The following PKD1L1 variants were observed in gnomAD, a reference collection of about 807,000 sequenced individuals.
PKD1L1 encodes polycystin 1 like 1, transient receptor potential channel interacting.
In PKD1L1, 236 loss-of-function variants were observed where a neutral mutation model predicts 323.4. That is an observed-to-expected ratio of 0.73 (90% CI 0.66 to 0.81). The LOEUF (loss-of-function observed/expected upper bound fraction) is 0.81. Ranked by LOEUF, PKD1L1 falls within the 40% of genes least tolerant of loss-of-function variation. The pLI is 0.00. For missense variants in PKD1L1, 3,320 were observed against 3,508.0 expected (o/e 0.95, Z 1.35); for synonymous variants, 1,344 against 1,335.0 (o/e 1.01, Z -0.15).
chr7:47,778,145 C>T (rs561125869), intron 56 of PKD1L1, among the ~76,000 whole-genome samples: 7 of 152,230 alleles, frequency 4.6e-5, no homozygotes, highest in Admixed American at 2.0e-4. Flanking sequence ...TCACAAGGAG[C>T]CAACCAGCAG....
At position 47,930,386 on chromosome 7, in the gene PKD1L1, T is replaced by A. The variant is rs138238031; in HGVS notation, c.737+718A>T. The stretch of plus-strand genomic sequence containing the variant: ...CGGGCATGGTGGCAGGTGACTGTAG[T>A]CCCAGCTACTTGGGAGGCTGAGGCA... On this transcript the variant is annotated intron_variant, in intron 6 of 56. Coordinates refer to ENST00000289672, the MANE Select transcript of PKD1L1 (RefSeq NM_138295.5). Among the ~76,000 whole-genome samples the A allele has an allele frequency of 1.9e-3, 282 of 152,162 alleles. 3 individuals are homozygous for A. Among genetic ancestry groups the A allele is most frequent in the African/African-American group, 6.3e-3 (262 of 41,498 alleles).
upstream of PKD1L1, among the ~76,000 whole-genome samples, chr7:47,951,909 TG>T (rs770803452): frequency 3.9e-5 from 6 of 152,174 alleles, no homozygotes; most frequent in Non-Finnish European, 8.8e-5. Context: ...CACCTCCAAA[TG>T]GAGCTTCCCG....
rs748904683 is a variant in PKD1L1, at chr7:47,904,599, C to T, written c.1710G>A (p.Lys570=). The part of the protein sequence containing the change: ...SIPQWYRVMV[K]ASNRMSSVVS... ...CCACACTGCTCATCCTGTTGGAAGCCTTAACCATCACACGATACCTGCAGG... is the reference window on the plus strand; with the variant it reads ...CCACACTGCTCATCCTGTTGGAAGCTTTAACCATCACACGATACCTGCAGG... The change falls in exon 12 of 57, where the codon AAG becomes AAA. Residue 570 remains lysine (K), a synonymous_variant. Transcript: ENST00000289672. The T allele has an allele frequency of 1.2e-6, 2 of 1,613,296 alleles. No homozygotes were observed. The highest frequency in any genetic ancestry group is 1.7e-6 in the Non-Finnish European group (2 of 1,179,386).
At chr7:47,793,127 C>T (rs1371675298) in intron 55 of PKD1L1, among the ~76,000 whole-genome samples, 3 of 151,236 alleles carry the variant, frequency 2.0e-5, no homozygotes, top group Admixed American at 1.3e-4. Context: ...TTCATCCCTT[C>T]GATTAATAAA....
Position 47,840,366 on chromosome 7 carries a change from G to A in PKD1L1, c.5552+95C>T. 6.1e-6 allele frequency: 5 copies of A among 817,756 alleles called. No individual in the cohort carries two copies. Among genetic ancestry groups the A allele is most frequent in the Non-Finnish European group, 1.0e-5 (5 of 491,026 alleles). The allele number at this position is 817,756 out of a possible 1,614,324, so 50.7% of individuals were successfully genotyped here. On this transcript the variant is annotated intron_variant, in intron 35 of 56. Coordinates refer to ENST00000289672, the MANE Select transcript of PKD1L1 (RefSeq NM_138295.5). The surrounding 1 kb of genome is among the most constrained non-coding windows in gnomAD (Gnocchi z 4.1). ...TCGATGCTCACTATTAGAGACCAATGTTATGTATTCTACTGTTTTGTATTT... is the reference window on the plus strand; with the variant it reads ...TCGATGCTCACTATTAGAGACCAATATTATGTATTCTACTGTTTTGTATTT...
chr7:47,916,087 T>C (rs1787423890), intron 7 of PKD1L1, among the ~76,000 whole-genome samples: 1 of 152,166 alleles, frequency 6.6e-6, no homozygotes, highest in Non-Finnish European at 1.5e-5. Flanking sequence ...CAAAGAAAAC[T>C]TTCACACAGC....
rs1483488142 is a variant in PKD1L1, at chr7:47,808,332, G to A, written c.7742C>T (p.Thr2581Ile). Residue 2581 changes from threonine to isoleucine, a missense_variant, in exon 52 of 57, where the codon ACT (threonine) becomes ATT (isoleucine). Coordinates refer to ENST00000289672, the MANE Select transcript of PKD1L1 (RefSeq NM_138295.5). ...TYYAVSGHLV[T>I]LAGDVTNQFH... ...CTGGTTAGTGACATCTCCAGCAAGAGTAACAAGGTGGCCGGAAACTGCATA... is the reference window on the plus strand; with the variant it reads ...CTGGTTAGTGACATCTCCAGCAAGAATAACAAGGTGGCCGGAAACTGCATA... 4 of 1,614,158 alleles carry A rather than the reference G, an allele frequency of 2.5e-6. No individual in the cohort carries two copies. The Admixed American group carries it at 5.0e-5, about 20-fold the overall frequency.
chr7:47,822,950 A>G (rs1345308814), intron 45 of PKD1L1, among the ~76,000 whole-genome samples: 2 of 138,046 alleles, frequency 1.4e-5, no homozygotes, highest in African/African-American at 5.5e-5. Context: ...TAGTTCCAGA[A>G]CCCTTTTTTT....
intron 17 of PKD1L1, 116 bp from the exon 18 acceptor site, chr7:47,886,170 GA>G: frequency 7.4e-7 from 1 of 1,351,492 alleles, no homozygotes; most frequent in South Asian, 1.5e-5. Context: ...TTGTGAATTT[GA>G]AAACCTACAC....
intron 34 of PKD1L1, among the ~76,000 whole-genome samples, chr7:47,842,690 G>A (rs1410920873): frequency 6.6e-6 from 1 of 152,128 alleles, no homozygotes. Flanking sequence ...TCCACTCAGA[G>A]ACAGAACATA....
intron 14 of PKD1L1, among the ~76,000 whole-genome samples, chr7:47,895,273 C>T (rs531153973): frequency 6.6e-6 from 1 of 152,328 alleles, no homozygotes; most frequent in Admixed American, 6.5e-5. Context: ...TGTGAAGACA[C>T]TGAAGACTAC....
At chr7:47,895,778 T>A (rs1407715773) in intron 14 of PKD1L1, among the ~76,000 whole-genome samples, 4 of 152,118 alleles carry the variant, frequency 2.6e-5, no homozygotes, top group Non-Finnish European at 4.4e-5. Context: ...TTAGGAAAAA[T>A]TTATAGAAAT....
chr7:47,938,478 G>C (rs1301391036), intron 3 of PKD1L1, among the ~76,000 whole-genome samples: 1 of 152,140 alleles, frequency 6.6e-6, no homozygotes. Flanking sequence ...CCCCTAAAAG[G>C]CATGGTGCTA....
At chr7:47,881,137 T>C (rs1786545139) in intron 20 of PKD1L1, among the ~76,000 whole-genome samples, 1 of 152,110 alleles carries the variant, frequency 6.6e-6, no homozygotes, top group Non-Finnish European at 1.5e-5. Context: ...TTATAAATCA[T>C]ACTATAAAGT....
At chr7:47,939,144 T>A (rs1259288498) in intron 3 of PKD1L1, among the ~76,000 whole-genome samples, 3 of 152,218 alleles carry the variant, frequency 2.0e-5, no homozygotes, top group Non-Finnish European at 4.4e-5. Context: ...CTAAATATCC[T>A]TCCTTGGGAA....
chr7:47,950,706 T>C (rs1003475672), upstream of PKD1L1, among the ~76,000 whole-genome samples: 2 of 143,768 alleles, frequency 1.4e-5, no homozygotes, highest in African/African-American at 5.3e-5. Flanking sequence ...GAAACTCTTG[T>C]CTCAAAAAAA....
At chr7:47,823,447 G>T (rs574287803) in intron 45 of PKD1L1, among the ~76,000 whole-genome samples, 1 of 151,916 alleles carries the variant, frequency 6.6e-6, no homozygotes, top group African/African-American at 2.4e-5. Context: ...GCTTCTTTGC[G>T]ATTTATTTGT....
At chr7:47,931,049 T>C (rs2128755741) in intron 6 of PKD1L1, 55 bp downstream of exon 6, 2 of 1,550,994 alleles carry the variant, frequency 1.3e-6, no homozygotes, top group Admixed American at 1.7e-5. Context: ...GCATGGATGG[T>C]TCCAGACTGG....
intron 13 of PKD1L1, 62 bp downstream of exon 13, chr7:47,902,317 G>C: frequency 6.3e-7 from 1 of 1,587,182 alleles, no homozygotes; most frequent in Non-Finnish European, 8.6e-7. Context: ...CCAAACAGTG[G>C]TCCCAACTCA....
Sources: allele counts gnomAD v4.1 joint callset (sites outside exome capture counted in the v4.1 genomes callset), GRCh38; gene constraint gnomAD v4.1.1; non-coding constraint Gnocchi (gnomAD v3.1); transcripts MANE v1.5; gene names NCBI Gene and HGNC (gene_info 2026-07-23, HGNC 2026-07-21).